WNT3: variants seen among roughly 807,000 people sequenced by gnomAD.
The protein encoded by WNT3 is Wnt family member 3.
Under a neutral mutation model 34.2 loss-of-function variants are expected in WNT3, and 7 were observed. That is an observed-to-expected ratio of 0.20 (90% CI 0.12 to 0.38). WNT3 has a LOEUF of 0.38. WNT3 is among the 10% of genes least tolerant of loss of function. The pLI, the probability that WNT3 is intolerant of heterozygous loss-of-function variation, is 1.00. For synonymous variants in WNT3, 212 were observed against 211.5 expected (o/e 1.00, Z -0.02); for missense variants, 267 against 499.8 (o/e 0.53, Z 4.44).
At chr17:46,784,897 T>A (rs945712342) in intron 1 of WNT3, among the ~76,000 whole-genome samples, 2 of 150,962 alleles carry the variant, frequency 1.3e-5, no homozygotes, top group Admixed American at 6.6e-5. Context: ...TGCCTCAGCC[T>A]CCCGAGTAGC....
intron 1 of WNT3, among the ~76,000 whole-genome samples, chr17:46,779,103 A>ACACACACACACACACACACAC (rs749719578): frequency 1.0e-4 from 14 of 133,656 alleles, no homozygotes; most frequent in African/African-American, 3.8e-4. Context: ...ACACACACAC[A>ACACACACACACACACACACAC]CCCCAGCCCA....
intron 1 of WNT3, among the ~76,000 whole-genome samples, chr17:46,802,058 G>C (rs950628321): frequency 1.1e-4 from 17 of 152,200 alleles, no homozygotes; most frequent in African/African-American, 4.1e-4. Flanking sequence ...GTGCTCGCCT[G>C]TACGCATGTT....
At chr17:46,795,922 A>G (rs1333868792) in intron 1 of WNT3, among the ~76,000 whole-genome samples, 1 of 152,168 alleles carries the variant, frequency 6.6e-6, no homozygotes, top group Non-Finnish European at 1.5e-5. Context: ...ACGTGTGCAC[A>G]CATGTTAAAT....
chr17:46,788,342 G>A (rs1490593074), intron 1 of WNT3, among the ~76,000 whole-genome samples: 1 of 152,128 alleles, frequency 6.6e-6, no homozygotes, highest in East Asian at 1.9e-4. Context: ...TTACAGATTG[G>A]GAAATGAGAA....
intron 1 of WNT3, among the ~76,000 whole-genome samples, chr17:46,782,492 A>G (rs1190800500): frequency 6.6e-6 from 1 of 152,224 alleles, no homozygotes; most frequent in African/African-American, 2.4e-5. Flanking sequence ...CTCCACGGAA[A>G]CTTCTAGAAG....
chr17:46,789,536 A>G (rs556096543), intron 1 of WNT3, among the ~76,000 whole-genome samples: 2 of 152,320 alleles, frequency 1.3e-5, no homozygotes, highest in African/African-American at 2.4e-5. Context: ...AACCTTCCCT[A>G]TGATGTTCTT....
intron 1 of WNT3, among the ~76,000 whole-genome samples, chr17:46,788,400 C>T (rs1367937735): frequency 6.6e-6 from 1 of 152,142 alleles, no homozygotes; most frequent in Non-Finnish European, 1.5e-5. Flanking sequence ...CTGCTGGTTC[C>T]CACACCAGGA....
chr17:46,778,228 C>T (rs968851072), intron 1 of WNT3, among the ~76,000 whole-genome samples: 1 of 152,186 alleles, frequency 6.6e-6, no homozygotes, highest in South Asian at 2.1e-4. Flanking sequence ...ATCTCAGCCC[C>T]TTCCTATCCA....
At chr17:46,783,400 C>T (rs924548133) in intron 1 of WNT3, among the ~76,000 whole-genome samples, 1 of 152,190 alleles carries the variant, frequency 6.6e-6, no homozygotes, top group African/African-American at 2.4e-5. Flanking sequence ...TCACTCAACA[C>T]GCACGAATTG....
At position 46,773,818 on chromosome 17, in the gene WNT3, A is replaced by G. The variant is rs1277199971; in HGVS notation, c.172T>C (p.Phe58Leu). ...IPGLVPKQLR[F>L]CRNYIEIMPS... ...ATGATCTCGATGTAATTGCGGCAGAAGCGCAGTTGCTTGGGGACCAGGCCT... is the reference window on the plus strand; with the variant it reads ...ATGATCTCGATGTAATTGCGGCAGAGGCGCAGTTGCTTGGGGACCAGGCCT... Residue 58 changes from phenylalanine to leucine, a missense_variant, in exon 2 of 5, where the codon TTC becomes CTC. By Grantham distance (22) the Phe-to-Leu change is conservative (BLOSUM62 0). Around this residue, in one of 3 missense-constraint regions of WNT3, gnomAD observed 181 missense variants for 391.3 expected, o/e 0.46. Coordinates refer to ENST00000225512, the MANE Select transcript of WNT3 (RefSeq NM_030753.5). The G allele has an allele frequency of 1.9e-6, 3 of 1,613,518 alleles. No individual in the cohort carries two copies. Among genetic ancestry groups the G allele is most frequent in the South Asian group, 2.2e-5 (2 of 91,074 alleles).
Position 46,762,717 on chromosome 17 carries a change from T to C in WNT3, c.*1913A>G, listed in dbSNP as rs2059279739. On this transcript the variant is annotated 3_prime_UTR_variant, in exon 5 of 5. Coordinates refer to ENST00000225512, the MANE Select transcript of WNT3 (RefSeq NM_030753.5). The stretch of plus-strand genomic sequence containing the variant: ...AACTTCTACAACTTTTTACAAAACT[T>C]TGGATACAGCAGGTTGGTAGGAAAT... The C allele has an allele frequency of 2.0e-5, 3 of 152,032 alleles. No homozygotes were observed. Among genetic ancestry groups the C allele is most frequent in the Non-Finnish European group, 4.4e-5 (3 of 68,016 alleles). The allele number at this position is 152,032 out of a possible 1,614,324, so 9.4% of individuals were successfully genotyped here.
chr17:46,778,610 C>T (rs141288290), intron 1 of WNT3, among the ~76,000 whole-genome samples: 1 of 152,276 alleles, frequency 6.6e-6, no homozygotes, highest in East Asian at 1.9e-4. Context: ...TCCTATTCCC[C>T]ATTATTGAAG....
chr17:46,787,479 C>A (rs2059518317), intron 1 of WNT3, among the ~76,000 whole-genome samples: 2 of 152,186 alleles, frequency 1.3e-5, no homozygotes, highest in Admixed American at 6.5e-5. Flanking sequence ...AAGCGATGTG[C>A]CTTCCCTGCT....
At chr17:46,788,804 C>T (rs567898012) in intron 1 of WNT3, among the ~76,000 whole-genome samples, 118 of 152,304 alleles carry the variant, frequency 7.7e-4, no homozygotes, top group African/African-American at 2.6e-3. Flanking sequence ...CACTGAGTGC[C>T]CAGTCCTTTC....
intron 2 of WNT3, among the ~76,000 whole-genome samples, chr17:46,772,360 C>T (rs1383883458): frequency 1.3e-5 from 2 of 152,244 alleles, no homozygotes; most frequent in Non-Finnish European, 2.9e-5. Flanking sequence ...GAATGGGTAG[C>T]GCTCCCAGAG....
chr17:46,785,122 C>T (rs1035740153), intron 1 of WNT3, among the ~76,000 whole-genome samples: 4 of 152,210 alleles, frequency 2.6e-5, no homozygotes, highest in Admixed American at 2.6e-4. Flanking sequence ...CTTCAGTGCA[C>T]AGCTGCCTTC....
chr17:46,786,941 CTTT>C (rs566280448), intron 1 of WNT3, among the ~76,000 whole-genome samples: 3 of 142,612 alleles, frequency 2.1e-5, no homozygotes, highest in Non-Finnish European at 3.1e-5. Context: ...TTTCTTTTTT[CTTT>C]TTTTTTTTTT....
At chr17:46,804,738 C>T (rs573530133) in intron 1 of WNT3, among the ~76,000 whole-genome samples, 3 of 152,276 alleles carry the variant, frequency 2.0e-5, no homozygotes, top group African/African-American at 7.2e-5. Context: ...ACTTGGAGAA[C>T]TTTTCTGTCT....
intron 1 of WNT3, among the ~76,000 whole-genome samples, chr17:46,796,732 C>A (rs2084059159): frequency 6.6e-6 from 1 of 152,226 alleles, no homozygotes; most frequent in Non-Finnish European, 1.5e-5. Context: ...TGAGCGGTGC[C>A]TGATCAGTCC....
Sources: allele counts gnomAD v4.1 joint callset (sites outside exome capture counted in the v4.1 genomes callset), GRCh38; gene constraint gnomAD v4.1.1; regional missense constraint gnomAD v4.1.1; transcripts MANE v1.5; gene names NCBI Gene and HGNC (gene_info 2026-07-23, HGNC 2026-07-21).